Variants in RIMBP2 observed in about 807,000 individuals in gnomAD.
The protein encoded by RIMBP2 is RIMS-binding protein 2.
RIMBP2 carries 48 observed loss-of-function variants against 118.6 expected under a neutral mutation model. The observed-to-expected ratio is 0.40, with a 90% confidence interval of 0.32 to 0.51. The LOEUF is 0.51. Ranked by LOEUF, RIMBP2 falls within the 20% of genes least tolerant of loss-of-function variation. The probability of loss-of-function intolerance (pLI) is 0.41; values close to 1 mark genes in which losing one functional copy is unlikely to be tolerated. For synonymous variants in RIMBP2, 762 were observed against 742.9 expected (o/e 1.03, Z -0.42); for missense variants, 1,551 against 1,768.3 (o/e 0.88, Z 2.20).
At chr12:130,480,197 AT>A (rs2081844659) in intron 4 of RIMBP2, among the ~76,000 whole-genome samples, 1 of 82,876 alleles carries the variant, frequency 1.2e-5, no homozygotes, top group African/African-American at 4.0e-5. Flanking sequence ...ATTTCCTTTC[AT>A]ACACACACAC....
In RIMBP2 at chr12:130,664,504, C is replaced by T. The variant is rs1156910360; in HGVS notation, c.-351-36048G>A. Among the ~76,000 whole-genome samples the T allele has an allele frequency of 4.1e-5, 6 of 145,162 alleles. 1 individual carries two copies. Among genetic ancestry groups the T allele is most frequent in the African/African-American group, 1.3e-4 (5 of 39,804 alleles). On this transcript the variant is annotated intron_variant, in intron 1 of 22. Transcript: ENST00000690449. The stretch of plus-strand genomic sequence containing the variant: ...ACGCATCACACACTCCCCATCCTGG[C>T]TCTGTCGACTACAGGACCTGGAGGT...
At chr12:130,541,178 ATC>A (rs1470507006) in intron 2 of RIMBP2, among the ~76,000 whole-genome samples, 1 of 152,158 alleles carries the variant, frequency 6.6e-6, no homozygotes, top group Non-Finnish European at 1.5e-5. Context: ...CTCCTGGGCA[ATC>A]TCTGTCTATG....
rs58123705 is a variant in RIMBP2 at position 130,608,482 on chromosome 12, C to G, written c.-217+19840G>C. ...GCCTCTTGCAGGTCTGATCACCCAC[C>G]CTGGTGTCTCTCTACTGGGGAGGAG... On this transcript the variant is annotated intron_variant, in intron 2 of 22. Coordinates refer to ENST00000690449, the MANE Select transcript of RIMBP2 (RefSeq NM_001393629.1). Among the ~76,000 whole-genome samples, 10 of 152,310 alleles carry G rather than the reference C, an allele frequency of 6.6e-5. No individual in the cohort carries two copies. The East Asian group carries it at 1.9e-3, about 29-fold the overall frequency.
At chr12:130,612,601 C>A (rs1262285741) in intron 2 of RIMBP2, among the ~76,000 whole-genome samples, 2 of 152,140 alleles carry the variant, frequency 1.3e-5, no homozygotes, top group African/African-American at 4.8e-5. Context: ...ATTAAAACAC[C>A]ATTTGACAGG....
chr12:130,584,464 CCAT>C (rs2058725876), intron 2 of RIMBP2, among the ~76,000 whole-genome samples: 1 of 149,776 alleles, frequency 6.7e-6, no homozygotes. Flanking sequence ...ACCACCACCA[CCAT>C]CACCTCATTG....
chr12:130,481,183 G>C (rs1020579539), intron 4 of RIMBP2, among the ~76,000 whole-genome samples: 1 of 152,044 alleles, frequency 6.6e-6, no homozygotes, highest in Non-Finnish European at 1.5e-5. Flanking sequence ...CTCAGGGGGA[G>C]GGGTGTGGCC....
intron 19 of RIMBP2, among the ~76,000 whole-genome samples, chr12:130,408,873 CA>C (rs2075428436): frequency 6.6e-6 from 1 of 152,150 alleles, no homozygotes; most frequent in Non-Finnish European, 1.5e-5. Context: ...TCAGCAGGTA[CA>C]GGGGCCAGCT....
At position 130,424,495 on chromosome 12, in the gene RIMBP2, C is replaced by T. The variant is rs2076639176; in HGVS notation, c.2776G>A (p.Glu926Lys). ...SPDSGLDCGS[E>K]EDESRFGFGN... ...AAGCCAAACCGCGACTCGTCCTCTT[C>T]ACTCCCACAGTCCAGGCCGCTGTCC... The change falls in exon 16 of 23, where the codon GAA becomes AAA. Residue 926 changes from glutamate to lysine, a missense_variant. This residue lies in a region of RIMBP2 where 1,038 missense variants were observed against 1,125.1 expected (regional missense o/e 0.92). Coordinates refer to ENST00000690449, the MANE Select transcript of RIMBP2 (RefSeq NM_001393629.1). The surrounding 1 kb of genome is among the most constrained non-coding windows in gnomAD (Gnocchi z 9.8). 8.1e-7 allele frequency: 1 copy of T among 1,232,136 alleles called. No individual in the cohort carries two copies. The highest frequency in any genetic ancestry group is 1.0e-6 in the Non-Finnish European group (1 of 987,896). The allele number at this position is 1,232,136 out of a possible 1,614,324, so 76.3% of individuals were successfully genotyped here.
At chr12:130,606,379 T>C (rs11061026) in intron 2 of RIMBP2, among the ~76,000 whole-genome samples, 47,055 of 151,980 alleles carry the variant, frequency 0.31, 7,627 homozygotes, top group East Asian at 0.41. Flanking sequence ...AAAGGAAGCA[T>C]GGGGTTTGCA....
At chr12:130,558,675 G>A (rs1329420732) in intron 2 of RIMBP2, among the ~76,000 whole-genome samples, 2 of 152,180 alleles carry the variant, frequency 1.3e-5, no homozygotes, top group East Asian at 1.9e-4. Context: ...TGCAGTCAGA[G>A]GCCAGGCGGC....
rs1488056525 is a variant in RIMBP2, at chr12:130,447,051, A to T, written c.582-1782T>A. The stretch of plus-strand genomic sequence containing the variant: ...CTGGATGGGTAGATGGCCGAGACAC[A>T]GAAGCTGGCAGAGTGTTCTCGGAGG... On this transcript the variant is annotated intron_variant, in intron 9 of 22. Transcript: ENST00000690449. The surrounding 1 kb of genome is among the most constrained non-coding windows in gnomAD (Gnocchi z 4.4). 1.3e-5 allele frequency among the ~76,000 whole-genome samples: 2 copies of T among 151,304 alleles called. No individual in the cohort carries two copies. The highest frequency in any genetic ancestry group is 4.9e-5 in the African/African-American group (2 of 41,008).
At chr12:130,558,681 G>C (rs889147421) in intron 2 of RIMBP2, among the ~76,000 whole-genome samples, 12 of 152,210 alleles carry the variant, frequency 7.9e-5, no homozygotes, top group Admixed American at 6.5e-4. Context: ...CAGAGGCCAG[G>C]CGGCCCCCTT....
intron 4 of RIMBP2, among the ~76,000 whole-genome samples, chr12:130,481,978 G>A (rs897398088): frequency 5.4e-5 from 8 of 148,922 alleles, no homozygotes; most frequent in Admixed American, 4.7e-4. Context: ...TTCACTGTGA[G>A]TGCAAACCAG....
At chr12:130,460,287 G>GC (rs1434048879) in intron 6 of RIMBP2, among the ~76,000 whole-genome samples, 2 of 152,162 alleles carry the variant, frequency 1.3e-5, no homozygotes, top group African/African-American at 4.8e-5. Context: ...AGGCCCCTCG[G>GC]TAGGCTGGAA....
In RIMBP2 at chr12:130,525,599, G is replaced by A. The variant is rs1176402545; in HGVS notation, c.-216-7682C>T. On this transcript the variant is annotated intron_variant, in intron 2 of 22. Coordinates refer to ENST00000690449, the MANE Select transcript of RIMBP2 (RefSeq NM_001393629.1). The surrounding 1 kb of genome is among the most constrained non-coding windows in gnomAD (Gnocchi z 4.4). ...GGAAGCCCAGTCAAGGCTGAGGGTG[G>A]TAACGTTCATGGGGGCATTGGCAGG... Among the ~76,000 whole-genome samples, 1 of 152,136 alleles carries A rather than the reference G, an allele frequency of 6.6e-6. No individual in the cohort carries two copies. The highest frequency in any genetic ancestry group is 1.5e-5 in the Non-Finnish European group (1 of 68,012).
At chr12:130,610,623 C>G (rs1007703840) in intron 2 of RIMBP2, among the ~76,000 whole-genome samples, 3 of 132,340 alleles carry the variant, frequency 2.3e-5, no homozygotes, top group East Asian at 2.2e-4. Flanking sequence ...TGCAGTGGCG[C>G]GATCTCGGCT....
chr12:130,520,340 T>C (rs2051946639), intron 2 of RIMBP2, among the ~76,000 whole-genome samples: 1 of 151,978 alleles, frequency 6.6e-6, no homozygotes, highest in African/African-American at 2.4e-5. Context: ...GCTTCCCAAA[T>C]TGGTCCAAGC....
At position 130,703,234 on chromosome 12, in the gene RIMBP2, G is replaced by A. The variant is rs189989093; in HGVS notation, c.-352+12988C>T. Among the ~76,000 whole-genome samples the A allele has an allele frequency of 3.3e-5, 5 of 152,162 alleles. No homozygotes were observed. The highest frequency in any genetic ancestry group is 9.6e-5 in the African/African-American group (4 of 41,524). ...GTCACCCTCCTGGTTGACAGATGAC[G>A]CCTGGTGTTGGCCTTGTGCACCCCG... On this transcript the variant is annotated intron_variant, in intron 1 of 22. Coordinates refer to ENST00000690449, the MANE Select transcript of RIMBP2 (RefSeq NM_001393629.1). This position sits in a 1 kb window ranked among gnomAD's most constrained non-coding sequence, Gnocchi z 5.7.
At chr12:130,686,545 C>A (rs2065053510) in intron 1 of RIMBP2, among the ~76,000 whole-genome samples, 1 of 152,232 alleles carries the variant, frequency 6.6e-6, no homozygotes, top group Non-Finnish European at 1.5e-5. Context: ...AAATTTAAAT[C>A]ACTGCTGAGA....
Sources: allele counts gnomAD v4.1 joint callset (sites outside exome capture counted in the v4.1 genomes callset), GRCh38; gene constraint gnomAD v4.1.1; regional missense constraint gnomAD v4.1.1; non-coding constraint Gnocchi (gnomAD v3.1); transcripts MANE v1.5; gene names NCBI Gene and HGNC (gene_info 2026-07-23, HGNC 2026-07-21).